Variants in TMEM38B observed in about 807,000 individuals in gnomAD.
TMEM38B encodes transmembrane protein 38B.
A neutral mutation model predicts 28.7 loss-of-function variants in TMEM38B; 24 were observed. The ratio of observed to expected loss-of-function variants is 0.84; its 90% confidence interval spans 0.61 to 1.18. The LOEUF (loss-of-function observed/expected upper bound fraction) is 1.18, where lower values mean the gene tolerates loss of function less well. Ranked by LOEUF, TMEM38B falls within the 50% of genes most tolerant of loss-of-function variation. TMEM38B has a pLI of 0.00. For synonymous variants in TMEM38B, 131 were observed against 127.7 expected (o/e 1.03, Z -0.17); for missense variants, 380 against 350.9 (o/e 1.08, Z -0.66).
chr9:105,696,927 A>G (rs996209796), intron 1 of TMEM38B, among the ~76,000 whole-genome samples: 1 of 152,234 alleles, frequency 6.6e-6, no homozygotes, highest in Non-Finnish European at 1.5e-5. Flanking sequence ...AACATGGCGG[A>G]TGTTGGAGTT....
intron 2 of TMEM38B, 74 bp downstream of exon 2, chr9:105,705,827 TTTTCTTTGA>T: frequency 6.7e-7 from 1 of 1,491,636 alleles, no homozygotes; most frequent in East Asian, 2.3e-5. Context: ...ATGAATTTTT[TTTTCTTTGA>T]ACAATATTTT....
intron 2 of TMEM38B, among the ~76,000 whole-genome samples, chr9:105,715,006 C>T (rs542898182): frequency 1.2e-3 from 184 of 152,190 alleles, no homozygotes; most frequent in African/African-American, 4.1e-3. Context: ...AATTTTTTCC[C>T]TGTTACATAT....
At chr9:105,708,162 C>G (rs1419961745) in intron 2 of TMEM38B, among the ~76,000 whole-genome samples, 1 of 151,916 alleles carries the variant, frequency 6.6e-6, no homozygotes, top group Non-Finnish European at 1.5e-5. Flanking sequence ...CCTTCTATAC[C>G]CATGGGTTTT....
intron 2 of TMEM38B, 48 bp from the exon 3 acceptor site, chr9:105,721,489 T>C (rs1403826243): frequency 7.5e-7 from 1 of 1,325,366 alleles, no homozygotes; most frequent in Non-Finnish European, 1.0e-6. Context: ...TTAATTTCTG[T>C]TCTTCTGATT....
chr9:105,770,015 A>T (rs1478762969), intron 5 of TMEM38B, among the ~76,000 whole-genome samples: 1 of 152,164 alleles, frequency 6.6e-6, no homozygotes, highest in Non-Finnish European at 1.5e-5. Flanking sequence ...GTATTGTTTA[A>T]TACATGAATG....
chr9:105,760,011 C>CA, intron 5 of TMEM38B: 1 of 1,442,784 alleles, frequency 6.9e-7, no homozygotes, highest in East Asian at 2.3e-5. Flanking sequence ...AAAGACTCTG[C>CA]AAAAGTTCAA....
At chr9:105,751,091 A>G (rs1349721158) in intron 5 of TMEM38B, among the ~76,000 whole-genome samples, 1 of 152,234 alleles carries the variant, frequency 6.6e-6, no homozygotes, top group Non-Finnish European at 1.5e-5. Context: ...AGGATCCAAG[A>G]TGGCTGATTA....
At position 105,775,993 on chromosome 9, in the gene TMEM38B, A is replaced by G. The variant is rs1447213144; in HGVS notation, c.*1913A>G. ...AACCCTCAATTCAAGGCTCTTTTGT[A>G]AAAAATGTACTGGAGAACATGGCTT... On this transcript the variant is annotated 3_prime_UTR_variant, in exon 6 of 6. Transcript: ENST00000374692. 2 of 152,304 alleles carry G rather than the reference A, an allele frequency of 1.3e-5. No individual in the cohort carries two copies. Among genetic ancestry groups the G allele is most frequent in the East Asian group, 1.9e-4 (1 of 5,184 alleles). 9.4% of individuals were successfully genotyped at this position (152,304 alleles called of 1,614,324 possible).
chr9:105,726,034 G>A (rs1051381776), intron 4 of TMEM38B, among the ~76,000 whole-genome samples: 3 of 151,766 alleles, frequency 2.0e-5, no homozygotes, highest in African/African-American at 7.3e-5. Context: ...ACATATTTAT[G>A]GGGTACATGT....
At position 105,748,206 on chromosome 9, in the gene TMEM38B, A is replaced by G; in HGVS notation, c.660+16A>G. 1.3e-6 allele frequency: 2 copies of G among 1,555,806 alleles called. No individual in the cohort carries two copies. Among genetic ancestry groups the G allele is most frequent in the Non-Finnish European group, 1.8e-6 (2 of 1,128,704 alleles). ...GGCCACAAAGGTAAGAATTCAAAGT[A>G]CCTATAATTATTACAAATCCTGTAT... On this transcript the variant is annotated intron_variant, in intron 5 of 5. Coordinates refer to ENST00000374692, the MANE Select transcript of TMEM38B (RefSeq NM_018112.3).
At chr9:105,772,910 G>T (rs1471808736) in intron 5 of TMEM38B, among the ~76,000 whole-genome samples, 2 of 151,608 alleles carry the variant, frequency 1.3e-5, no homozygotes, top group African/African-American at 4.9e-5. Flanking sequence ...TATTCCTTTT[G>T]TGATGAATAT....
chr9:105,773,648 C>T (rs1193322703), intron 5 of TMEM38B, among the ~76,000 whole-genome samples: 5 of 151,992 alleles, frequency 3.3e-5, no homozygotes, highest in Non-Finnish European at 5.9e-5. Context: ...ATTTGGCACC[C>T]CAAAATATGG....
chr9:105,731,591 A>G (rs1836750518), intron 4 of TMEM38B, among the ~76,000 whole-genome samples: 1 of 152,050 alleles, frequency 6.6e-6, no homozygotes, highest in South Asian at 2.1e-4. Context: ...TTTGCTCAGG[A>G]TGATGGTTTC....
chr9:105,718,953 T>G (rs987828199), intron 2 of TMEM38B, among the ~76,000 whole-genome samples: 1 of 152,150 alleles, frequency 6.6e-6, no homozygotes, highest in African/African-American at 2.4e-5. Context: ...TTTGTTGGAG[T>G]GATAAGAGCA....
At chr9:105,739,211 A>G (rs1837096871) in intron 4 of TMEM38B, among the ~76,000 whole-genome samples, 1 of 151,590 alleles carries the variant, frequency 6.6e-6, no homozygotes, top group African/African-American at 2.4e-5. Context: ...CATTGTCTAT[A>G]TGTTTATCAT....
intron 5 of TMEM38B, among the ~76,000 whole-genome samples, chr9:105,769,571 A>G (rs754461494): frequency 2.6e-5 from 4 of 152,098 alleles, no homozygotes; most frequent in South Asian, 4.1e-4. Context: ...GCAAACGAAA[A>G]ATTTACAAGT....
intron 4 of TMEM38B, among the ~76,000 whole-genome samples, chr9:105,734,164 AT>A (rs1375202048): frequency 6.6e-6 from 1 of 151,986 alleles, no homozygotes; most frequent in Non-Finnish European, 1.5e-5. Context: ...GTTTCAGAAT[AT>A]TTTTAAATTT....
intron 4 of TMEM38B, among the ~76,000 whole-genome samples, chr9:105,735,676 T>G (rs1416273182): frequency 6.6e-6 from 1 of 152,208 alleles, no homozygotes; most frequent in Non-Finnish European, 1.5e-5. Flanking sequence ...GATTCCCTTG[T>G]ATGTGACATG....
intron 2 of TMEM38B, among the ~76,000 whole-genome samples, chr9:105,707,571 T>G (rs895653943): frequency 2.6e-5 from 4 of 152,180 alleles, no homozygotes; most frequent in Non-Finnish European, 4.4e-5. Flanking sequence ...ATAGTAGCAA[T>G]GGGAAAAAGT....
Sources: gnomAD v4.1 joint callset for allele counts (sites outside exome capture counted in the v4.1 genomes callset) on GRCh38, gnomAD v4.1.1 for gene constraint, MANE v1.5 for transcripts, NCBI Gene and HGNC (gene_info 2026-07-23, HGNC 2026-07-21) for gene names.